DLG2: variants seen among roughly 807,000 people sequenced by gnomAD.
DLG2 encodes the protein disks large homolog 2.
Under a neutral mutation model 132.5 loss-of-function variants are expected in DLG2, and 45 were observed. That is an observed-to-expected ratio of 0.34 (90% confidence interval 0.27 to 0.44). DLG2 has a LOEUF of 0.44. DLG2 is among the 20% of genes least tolerant of loss of function. The pLI is 1.00. For missense variants in DLG2, 1,045 were observed against 1,196.9 expected (o/e 0.87, Z 1.87); for synonymous variants, 424 against 419.6 (o/e 1.01, Z -0.13).
chr11:85,139,383 T>C (rs1039399587), intron 5 of DLG2, among the ~76,000 whole-genome samples: 3 of 152,098 alleles, frequency 2.0e-5, no homozygotes, highest in African/African-American at 7.2e-5. Flanking sequence ...ACATGAAATT[T>C]GCAATGCAAG....
At chr11:83,933,733 T>G (rs2080856689) in intron 14 of DLG2, among the ~76,000 whole-genome samples, 1 of 152,168 alleles carries the variant, frequency 6.6e-6, no homozygotes, top group Admixed American at 6.5e-5. Context: ...ACTATCAAAT[T>G]CAGTTTCCTC....
chr11:84,799,758 A>C (rs1470214893), intron 6 of DLG2, among the ~76,000 whole-genome samples: 2 of 152,286 alleles, frequency 1.3e-5, no homozygotes, highest in East Asian at 3.9e-4. Context: ...GGCGTCCAGG[A>C]AATATTCAAG....
chr11:85,145,353 C>T (rs941239487), intron 5 of DLG2, among the ~76,000 whole-genome samples: 3 of 152,052 alleles, frequency 2.0e-5, no homozygotes, highest in Middle Eastern at 3.4e-3. Flanking sequence ...TTCGTCTACC[C>T]GATAATATTT....
At position 84,632,795 on chromosome 11, in the gene DLG2, T is replaced by C. The variant is rs370386772; in HGVS notation, c.358-98064A>G. On this transcript the variant is annotated intron_variant, in intron 6 of 27. Coordinates refer to ENST00000376104, the MANE Select transcript of DLG2 (RefSeq NM_001142699.3). ...TTGGTTGCTACTGGAAATAAGATTA[T>C]ATTTTAAAGTTTCTTCTATCAGAAA... is the stretch of plus-strand genomic sequence containing the variant. Among the ~76,000 whole-genome samples, 12 of 152,240 alleles carry C rather than the reference T, an allele frequency of 7.9e-5. No homozygotes were observed. In the East Asian group the frequency reaches 1.3e-3, roughly 17 times the overall value.
rs368944988 is a variant in DLG2, at chr11:83,704,687, C to T, written c.1826-71362G>A. Among the ~76,000 whole-genome samples, 795 of 148,122 alleles carry T rather than the reference C, an allele frequency of 5.4e-3. 7 individuals carry two copies. Among genetic ancestry groups the T allele is most frequent in the African/African-American group, 0.017 (671 of 39,886 alleles). The stretch of plus-strand genomic sequence containing the variant: ...AAAAAAAAAAAAAATATTAGCTGGG[C>T]GTGGTGGCACAGGCCTGTAATTCTA... On this transcript the variant is annotated intron_variant, in intron 18 of 27. Transcript: ENST00000376104.
At chr11:83,668,787 G>T (rs1379258286) in intron 18 of DLG2, among the ~76,000 whole-genome samples, 1 of 124,850 alleles carries the variant, frequency 8.0e-6, no homozygotes, top group Non-Finnish European at 1.7e-5. Flanking sequence ...ATATATATGT[G>T]TATATAAACA....
intron 6 of DLG2, among the ~76,000 whole-genome samples, chr11:84,797,504 T>C (rs1179289389): frequency 2.6e-5 from 4 of 152,218 alleles, no homozygotes; most frequent in Admixed American, 6.5e-5. Flanking sequence ...AATTCTGCTG[T>C]TGAGATGCTG....
chr11:83,882,434 A>G (rs892382655), intron 15 of DLG2, among the ~76,000 whole-genome samples: 3 of 151,802 alleles, frequency 2.0e-5, no homozygotes, highest in Admixed American at 2.0e-4. Context: ...GGATATAAGT[A>G]TGAAGAAAAA....
chr11:85,306,172 A>C (rs752493101), intron 3 of DLG2, among the ~76,000 whole-genome samples: 19 of 152,338 alleles, frequency 1.2e-4, no homozygotes, highest in Non-Finnish European at 2.5e-4. Flanking sequence ...AGTTCATTAA[A>C]TGTCAGTTTA....
intron 4 of DLG2, among the ~76,000 whole-genome samples, chr11:85,262,089 C>T (rs759347454): frequency 7.2e-5 from 11 of 152,230 alleles, no homozygotes; most frequent in African/African-American, 1.9e-4. Context: ...GTCATGAAAG[C>T]CTGAATATAA....
At chr11:85,082,738 T>TC (rs886313938) in intron 6 of DLG2, among the ~76,000 whole-genome samples, 36 of 146,058 alleles carry the variant, frequency 2.5e-4, no homozygotes, top group African/African-American at 8.4e-4. Context: ...TTTCTTTCTT[T>TC]TTTTTTTTTT....
At chr11:84,872,369 C>T (rs977624380) in intron 6 of DLG2, among the ~76,000 whole-genome samples, 6 of 152,166 alleles carry the variant, frequency 3.9e-5, no homozygotes. Context: ...ATCATTAAAA[C>T]ACCAGCCATG....
At chr11:83,651,448 C>T (rs2070392819) in intron 18 of DLG2, 2 of 161,438 alleles carry the variant, frequency 1.2e-5, no homozygotes, top group South Asian at 3.6e-4. Flanking sequence ...ATAATAAATG[C>T]CCATTCTCTT....
intron 6 of DLG2, among the ~76,000 whole-genome samples, chr11:84,928,982 G>GTATGTATA (rs1555303573): frequency 8.1e-5 from 4 of 49,116 alleles, no homozygotes; most frequent in African/African-American, 3.6e-4. Flanking sequence ...GTGTGTGTGT[G>GTATGTATA]TATATATATA....
At chr11:85,406,184 T>C (rs2152972473) in intron 3 of DLG2, among the ~76,000 whole-genome samples, 1 of 151,748 alleles carries the variant, frequency 6.6e-6, no homozygotes. Context: ...CAGGAGACCA[T>C]TAGACAATTA....
intron 3 of DLG2, among the ~76,000 whole-genome samples, chr11:85,509,542 T>C (rs1050917394): frequency 1.3e-5 from 2 of 152,100 alleles, no homozygotes; most frequent in African/African-American, 4.8e-5. Flanking sequence ...TATAGCCTTT[T>C]CTTGTGAAAG....
chr11:85,245,283 T>C (rs2076077460), intron 4 of DLG2, among the ~76,000 whole-genome samples: 1 of 151,976 alleles, frequency 6.6e-6, no homozygotes, highest in Admixed American at 6.6e-5. Flanking sequence ...CTATAAAAAC[T>C]TTAATGCTAT....
intron 11 of DLG2, among the ~76,000 whole-genome samples, chr11:84,035,632 G>A (rs1189934892): frequency 3.3e-5 from 5 of 152,214 alleles, no homozygotes; most frequent in Non-Finnish European, 7.3e-5. Context: ...AGGCTGTGGA[G>A]TTTGATTAAG....
At chr11:85,303,195 T>C (rs139211085) in intron 3 of DLG2, among the ~76,000 whole-genome samples, 1,599 of 152,284 alleles carry the variant, frequency 0.011, 12 homozygotes, top group Middle Eastern at 0.037. Context: ...TTAAGGAAAA[T>C]TGAACACAAG....
Sources: gnomAD v4.1 joint callset for allele counts (sites outside exome capture counted in the v4.1 genomes callset) on GRCh38, gnomAD v4.1.1 for gene constraint, MANE v1.5 for transcripts, NCBI Gene and HGNC (gene_info 2026-07-23, HGNC 2026-07-21) for gene names.